ZFHX3: variants seen among roughly 807,000 people sequenced by gnomAD.
The protein encoded by ZFHX3 is zinc finger homeobox protein 3.
Under a neutral mutation model 279.1 loss-of-function variants are expected in ZFHX3, and 42 were observed. The observed-to-expected ratio is 0.15, with a 90% confidence interval of 0.12 to 0.19. The LOEUF is 0.19. Ranked by LOEUF, ZFHX3 falls within the 10% of genes least tolerant of loss-of-function variation. ZFHX3 has a pLI of 1.00. For synonymous variants in ZFHX3, 2,293 were observed against 1,957.8 expected, an observed-to-expected ratio of 1.17 and a Z score of -4.52; for missense variants, 4,981 against 4,754.0, an observed-to-expected ratio of 1.05 and a Z score of -1.40.
intron 4 of ZFHX3, among the ~76,000 whole-genome samples, chr16:73,298,569 C>T (rs149998369): frequency 1.2e-3 from 169 of 144,140 alleles, no homozygotes; most frequent in South Asian, 2.0e-3. Context: ...GTGTAGAGGG[C>T]AATAAGGTAG....
chr16:72,961,940 C>A (rs763318379), intron 1 of ZFHX3, among the ~76,000 whole-genome samples: 14 of 151,874 alleles, frequency 9.2e-5, no homozygotes, highest in Non-Finnish European at 1.9e-4. Context: ...AAACAGCAAA[C>A]GCAATGGGAC....
At chr16:73,398,062 C>T (rs996394542) in intron 3 of ZFHX3, among the ~76,000 whole-genome samples, 1 of 152,180 alleles carries the variant, frequency 6.6e-6, no homozygotes, top group African/African-American at 2.4e-5. Flanking sequence ...CCAGGCTTGA[C>T]TTGAACTCCT....
intron 4 of ZFHX3, among the ~76,000 whole-genome samples, chr16:73,292,745 C>G (rs898745859): frequency 3.9e-5 from 6 of 152,002 alleles, no homozygotes; most frequent in Non-Finnish European, 5.9e-5. Context: ...TGATGGGTCA[C>G]CAGGGAGAGC....
At chr16:73,010,405 A>G (rs1963873736) in intron 1 of ZFHX3, among the ~76,000 whole-genome samples, 1 of 152,250 alleles carries the variant, frequency 6.6e-6, no homozygotes, top group Non-Finnish European at 1.5e-5. Context: ...CCCATTCCCT[A>G]GCAAAGGGGA....
intron 4 of ZFHX3, among the ~76,000 whole-genome samples, chr16:73,313,312 T>C (rs887729547): frequency 2.6e-5 from 4 of 152,160 alleles, no homozygotes; most frequent in East Asian, 1.9e-4. Context: ...TAGTCTTGGG[T>C]AGTTCTTTAT....
intron 1 of ZFHX3, among the ~76,000 whole-genome samples, chr16:73,787,153 T>C (rs947984195): frequency 2.2e-4 from 33 of 152,238 alleles, no homozygotes; most frequent in Non-Finnish European, 4.0e-4. Context: ...CAAGCTGCCA[T>C]GTTTCTGAGT....
chr16:73,730,701 G>A (rs191221721), intron 1 of ZFHX3, among the ~76,000 whole-genome samples: 69 of 152,312 alleles, frequency 4.5e-4, no homozygotes, highest in Non-Finnish European at 7.2e-4. Context: ...GGTCCAACAG[G>A]ACGGAAAGAA....
intron 1 of ZFHX3, among the ~76,000 whole-genome samples, chr16:73,838,065 T>G (rs912348226): frequency 6.6e-6 from 1 of 152,238 alleles, no homozygotes; most frequent in Admixed American, 6.5e-5. Flanking sequence ...AGCATTTACA[T>G]GTCTCCATTT....
intron 2 of ZFHX3, among the ~76,000 whole-genome samples, chr16:73,535,603 G>T (rs938737410): frequency 1.3e-5 from 2 of 152,174 alleles, no homozygotes; most frequent in African/African-American, 4.8e-5. Context: ...ATAATGATCT[G>T]CAAAGAGAAG....
chr16:73,789,401 C>T (rs1959757336), intron 1 of ZFHX3, among the ~76,000 whole-genome samples: 1 of 151,904 alleles, frequency 6.6e-6, no homozygotes, highest in Admixed American at 6.6e-5. Context: ...AGGATGGTCT[C>T]TATTTCCTGA....
At chr16:73,715,828 T>C (rs923696063) in intron 1 of ZFHX3, among the ~76,000 whole-genome samples, 8 of 151,996 alleles carry the variant, frequency 5.3e-5, no homozygotes, top group African/African-American at 1.9e-4. Flanking sequence ...CACCTCAGGC[T>C]CCCAAAGTGC....
chr16:73,784,640 G>A (rs371568446), intron 1 of ZFHX3, among the ~76,000 whole-genome samples: 19 of 151,676 alleles, frequency 1.3e-4, no homozygotes, highest in African/African-American at 3.9e-4. Flanking sequence ...CCAGCTACTC[G>A]GGAGGCTGAG....
chr16:73,826,203 T>A (rs1463185024), intron 1 of ZFHX3, among the ~76,000 whole-genome samples: 4 of 126,606 alleles, frequency 3.2e-5, no homozygotes, highest in African/African-American at 1.5e-4. Context: ...GCTCTCTGTT[T>A]GTCTGTTTTT....
chr16:73,164,623 C>T (rs937969132), intron 5 of ZFHX3, among the ~76,000 whole-genome samples: 10 of 149,832 alleles, frequency 6.7e-5, no homozygotes, highest in African/African-American at 2.0e-4. Context: ...TGGCTTGAAC[C>T]GGGGAGGCAG....
chr16:72,836,040 T>C (rs1004759915), intron 4 of ZFHX3, among the ~76,000 whole-genome samples: 6 of 152,206 alleles, frequency 3.9e-5, no homozygotes, highest in African/African-American at 9.7e-5. Flanking sequence ...TCTGCTACAA[T>C]AGAAACTTTT....
intron 2 of ZFHX3, among the ~76,000 whole-genome samples, chr16:73,586,522 T>C (rs983174005): frequency 2.6e-5 from 4 of 151,748 alleles, no homozygotes; most frequent in African/African-American, 7.3e-5. Context: ...ACTATTATTA[T>C]TGGATAAAAT....
intron 1 of ZFHX3, among the ~76,000 whole-genome samples, chr16:73,754,359 T>C (rs897333734): frequency 6.6e-6 from 1 of 152,120 alleles, no homozygotes; most frequent in Non-Finnish European, 1.5e-5. Flanking sequence ...GCTAGAGAAT[T>C]CTGTACTGAA....
At chr16:73,536,713 G>C (rs141997635) in intron 2 of ZFHX3, among the ~76,000 whole-genome samples, 1 of 152,152 alleles carries the variant, frequency 6.6e-6, no homozygotes, top group Admixed American at 6.5e-5. Context: ...ATTCTCTACA[G>C]CTGTTCCTGG....
intron 2 of ZFHX3, among the ~76,000 whole-genome samples, chr16:73,614,742 G>A (rs978162020): frequency 6.6e-6 from 1 of 152,040 alleles, no homozygotes; most frequent in Non-Finnish European, 1.5e-5. Context: ...AAACGGATCT[G>A]AGTAGGATAA....
Sources: allele counts gnomAD v4.1 joint callset (sites outside exome capture counted in the v4.1 genomes callset), GRCh38; gene constraint gnomAD v4.1.1; transcripts MANE v1.5; gene names NCBI Gene and HGNC (gene_info 2026-07-23, HGNC 2026-07-21).